AHI1: variants seen among roughly 807,000 people sequenced by gnomAD.
AHI1 encodes the protein Abelson helper integration site 1.
In AHI1, 123 loss-of-function variants were observed where a neutral mutation model predicts 149.3. That is an observed-to-expected ratio of 0.82 (90% CI 0.71 to 0.96). The LOEUF (loss-of-function observed/expected upper bound fraction) is 0.96. Among genes scored for constraint, AHI1 ranks in the 40% least tolerant of loss-of-function variants. AHI1 has a pLI of 0.00. For missense variants in AHI1, 1,439 were observed against 1,422.7 expected, an observed-to-expected ratio of 1.01 and a Z score of -0.18; for synonymous variants, 475 against 459.8, an observed-to-expected ratio of 1.03 and a Z score of -0.42.
chr6:135,382,954 T>TACAC (rs1554302955), intron 23 of AHI1, among the ~76,000 whole-genome samples: 2 of 100,046 alleles, frequency 2.0e-5, no homozygotes, highest in African/African-American at 8.7e-5. Context: ...TATATATATA[T>TACAC]ACATATAAAA....
chr6:135,383,511 G>A (rs1404185613), intron 23 of AHI1, among the ~76,000 whole-genome samples: 1 of 151,972 alleles, frequency 6.6e-6, no homozygotes, highest in Non-Finnish European at 1.5e-5. Context: ...ATGGTATAGA[G>A]AATATGAGAT....
rs1782002861 is a variant in AHI1 at position 135,288,876 on chromosome 6, T to G, written c.3588+1547A>C. 2.6e-5 allele frequency among the ~76,000 whole-genome samples: 4 copies of G among 152,090 alleles called. No homozygotes were observed. The South Asian group carries it at 8.3e-4, about 32-fold the overall frequency. On this transcript the variant is annotated intron_variant, in intron 28 of 28. Coordinates refer to ENST00000265602, the MANE Select transcript of AHI1 (RefSeq NM_001134831.2). ...AAAACCCTAACATATTACCTAATTA[T>G]ACTTCACAAAGAATGGATCAATCTT...
At chr6:135,441,323 C>CA (rs1786262410) in intron 14 of AHI1, among the ~76,000 whole-genome samples, 1 of 151,968 alleles carries the variant, frequency 6.6e-6, no homozygotes, top group Non-Finnish European at 1.5e-5. Flanking sequence ...AGAAAAGTTT[C>CA]AGAGACTTGT....
At chr6:135,384,848 G>T (rs935498303) in intron 23 of AHI1, among the ~76,000 whole-genome samples, 3 of 152,128 alleles carry the variant, frequency 2.0e-5, no homozygotes, top group African/African-American at 4.8e-5. Context: ...CAGCACTTTG[G>T]GAAGCTGAGG....
chr6:135,405,426 CTA>C (rs1780617747), intron 21 of AHI1, among the ~76,000 whole-genome samples: 1 of 151,874 alleles, frequency 6.6e-6, no homozygotes, highest in African/African-American at 2.4e-5. Flanking sequence ...AAATATATGA[CTA>C]TTATTGAAAG....
chr6:135,460,179 T>A (rs2128086795), intron 8 of AHI1, among the ~76,000 whole-genome samples: 1 of 152,198 alleles, frequency 6.6e-6, no homozygotes, highest in South Asian at 2.1e-4. Flanking sequence ...CAAGACCCTG[T>A]CTCAAAAATA....
chr6:135,428,269 C>A (rs1583184868), intron 19 of AHI1, among the ~76,000 whole-genome samples: 1 of 151,708 alleles, frequency 6.6e-6, no homozygotes, highest in East Asian at 1.9e-4. Context: ...AGATGTTTAA[C>A]AATTTGTCTA....
chr6:135,402,919 C>T (rs1279588688), intron 22 of AHI1, among the ~76,000 whole-genome samples: 1 of 152,060 alleles, frequency 6.6e-6, no homozygotes, highest in East Asian at 1.9e-4. Flanking sequence ...AAAAGTTATA[C>T]ATTAATTTTT....
intron 26 of AHI1, chr6:135,301,332 A>G: frequency 1.0e-6 from 1 of 963,092 alleles, no homozygotes; most frequent in Non-Finnish European, 1.2e-6. Context: ...TGAAACAGAT[A>G]TACCATATGT....
At chr6:135,355,798 C>A (rs895199415) in intron 24 of AHI1, among the ~76,000 whole-genome samples, 24 of 152,240 alleles carry the variant, frequency 1.6e-4, no homozygotes, top group African/African-American at 5.1e-4. Flanking sequence ...ACTTAGGAGG[C>A]TGAGGCAGGA....
intron 26 of AHI1, among the ~76,000 whole-genome samples, chr6:135,316,038 C>A (rs1380266146): frequency 7.9e-6 from 1 of 126,632 alleles, no homozygotes; most frequent in African/African-American, 3.5e-5. Context: ...TATTATCCCC[C>A]ACCTTGTAGT....
At chr6:135,316,587 TCTTTTTTTC>T (rs1162372048) in intron 26 of AHI1, among the ~76,000 whole-genome samples, 1 of 152,114 alleles carries the variant, frequency 6.6e-6, no homozygotes, top group Non-Finnish European at 1.5e-5. Flanking sequence ...TATTATTTTT[TCTTTTTTTC>T]CTTTTCCTTT....
In AHI1 at chr6:135,303,959, A is replaced by C. The variant is rs150358662; in HGVS notation, c.3427-3401T>G. 1.9e-4 allele frequency among the ~76,000 whole-genome samples: 29 copies of C among 152,308 alleles called. No homozygotes were observed. The East Asian group carries it at 5.2e-3, about 27-fold the overall frequency. The stretch of plus-strand genomic sequence containing the variant: ...CTACAACTCTGTTTCCGGGAGCACA[A>C]TTTTAGGATTTTAAATATTCACATA... On this transcript the variant is annotated intron_variant, in intron 26 of 28. Coordinates refer to ENST00000265602, the MANE Select transcript of AHI1 (RefSeq NM_001134831.2).
At chr6:135,315,018 T>G (rs1382293818) in intron 26 of AHI1, among the ~76,000 whole-genome samples, 1 of 152,184 alleles carries the variant, frequency 6.6e-6, no homozygotes, top group Non-Finnish European at 1.5e-5. Context: ...CCATATCTAG[T>G]TTTTTAACTG....
chr6:135,433,560 A>C (rs1235228191), intron 15 of AHI1, among the ~76,000 whole-genome samples: 1 of 152,164 alleles, frequency 6.6e-6, no homozygotes, highest in African/African-American at 2.4e-5. Context: ...TTAAACACAC[A>C]TTGAACAGTT....
At chr6:135,476,689 T>C (rs1391973484) in intron 5 of AHI1, among the ~76,000 whole-genome samples, 1 of 152,220 alleles carries the variant, frequency 6.6e-6, no homozygotes, top group Admixed American at 6.5e-5. Context: ...AGTTATATCC[T>C]TGATACTGAC....
At chr6:135,322,627 A>G (rs1244132565) in intron 25 of AHI1, among the ~76,000 whole-genome samples, 1 of 152,206 alleles carries the variant, frequency 6.6e-6, no homozygotes, top group Non-Finnish European at 1.5e-5. Context: ...TAACTTTTAA[A>G]TAATTGTCAT....
chr6:135,432,791 A>G (rs1446735150), intron 16 of AHI1, among the ~76,000 whole-genome samples: 3 of 152,232 alleles, frequency 2.0e-5, no homozygotes, highest in Non-Finnish European at 4.4e-5. Context: ...GCAATTTGGC[A>G]CATGACTGGT....
At chr6:135,454,761 C>G (rs1463593008) in intron 10 of AHI1, among the ~76,000 whole-genome samples, 2 of 152,104 alleles carry the variant, frequency 1.3e-5, no homozygotes, top group East Asian at 3.8e-4. Context: ...AAAATTGTAA[C>G]AAATGACAAA....
Sources: gnomAD v4.1 joint callset for allele counts (sites outside exome capture counted in the v4.1 genomes callset) on GRCh38, gnomAD v4.1.1 for gene constraint, MANE v1.5 for transcripts, NCBI Gene and HGNC (gene_info 2026-07-23, HGNC 2026-07-21) for gene names.